Variants in NEBL observed in about 807,000 individuals in gnomAD.
NEBL encodes the protein nebulette.
In NEBL, 122 loss-of-function variants were observed where a neutral mutation model predicts 140.2. The ratio of observed to expected loss-of-function variants is 0.87; its 90% CI spans 0.75 to 1.01. The LOEUF (loss-of-function observed/expected upper bound fraction) is 1.01, where lower values mean the gene tolerates loss of function less well. Ranked by LOEUF, NEBL falls within the 50% of genes least tolerant of loss-of-function variation. The pLI is 0.00. For synonymous variants in NEBL, 436 were observed against 398.9 expected, an observed-to-expected ratio of 1.09 and a Z score of -1.11; for missense variants, 1,365 against 1,231.3, an observed-to-expected ratio of 1.11 and a Z score of -1.62.
At chr10:21,024,602 A>G (rs1373498394) in intron 2 of NEBL, among the ~76,000 whole-genome samples, 2 of 152,176 alleles carry the variant, frequency 1.3e-5, no homozygotes, top group African/African-American at 4.8e-5. Flanking sequence ...GTGTAATTAT[A>G]GAGATGGCAA....
intron 1 of NEBL, among the ~76,000 whole-genome samples, chr10:21,282,513 G>A (rs56988582): frequency 0.15 from 22,510 of 151,928 alleles, 2,340 homozygotes; most frequent in African/African-American, 0.3. Context: ...CAAAGGCAGG[G>A]GGGAAAAAAA....
intron 3 of NEBL, among the ~76,000 whole-genome samples, chr10:20,889,399 T>C (rs1337400060): frequency 6.6e-6 from 1 of 152,218 alleles, no homozygotes; most frequent in Non-Finnish European, 1.5e-5. Context: ...CAAAATAGTT[T>C]AAATACATTT....
intron 26 of NEBL, among the ~76,000 whole-genome samples, chr10:20,798,841 CAT>C (rs1321256304): frequency 1.3e-4 from 20 of 152,208 alleles, no homozygotes; most frequent in Non-Finnish European, 2.6e-4. Flanking sequence ...ATGAAAGACA[CAT>C]GTGCATTCTA....
rs145015123 is a variant in NEBL at position 20,975,922 on chromosome 10, CTAAT to C, written c.250-14147_250-14144del. ...AGAAGGGGCTCTGAGAAACTTAAAC[CTAAT>C]TAATCAGAGGCCCTACTGACCCCAT... On this transcript the variant is annotated intron_variant, in intron 3 of 6. Coordinates refer to the NEBL transcript ENST00000417816. 0.02 allele frequency among the ~76,000 whole-genome samples: 2,968 copies of C among 152,130 alleles called. 384 individuals carry two copies. In the East Asian group the frequency reaches 0.36, roughly 18 times the overall value.
At chr10:21,266,769 T>G (rs144457240) in intron 1 of NEBL, among the ~76,000 whole-genome samples, 397 of 152,274 alleles carry the variant, frequency 2.6e-3, no homozygotes, top group Non-Finnish European at 4.1e-3. Context: ...TGGTTTTCAA[T>G]TGATGGAGTT....
chr10:20,829,741 C>T (rs1398931946), intron 16 of NEBL, among the ~76,000 whole-genome samples: 1 of 152,018 alleles, frequency 6.6e-6, no homozygotes, highest in Non-Finnish European at 1.5e-5. Context: ...AAAATCTATG[C>T]TGTTGAGTTA....
At chr10:20,888,331 T>A in intron 3 of NEBL, 124 bp from the exon 4 acceptor site, 1 of 679,264 alleles carries the variant, frequency 1.5e-6, no homozygotes, top group Non-Finnish European at 2.6e-6. Flanking sequence ...CTGCAGACCA[T>A]TTTAATTTTA....
intron 10 of NEBL, 95 bp from the exon 11 acceptor site, chr10:20,850,597 T>C: frequency 1.2e-6 from 1 of 816,902 alleles, no homozygotes; most frequent in Non-Finnish European, 2.0e-6. Flanking sequence ...AGTCATCTTG[T>C]TGTCTAAAAT....
At chr10:21,187,760 C>A (rs1352713052) in intron 3 of NEBL, among the ~76,000 whole-genome samples, 1 of 152,170 alleles carries the variant, frequency 6.6e-6, no homozygotes, top group Non-Finnish European at 1.5e-5. Flanking sequence ...GCAATCCTCG[C>A]ACCTCAGCCT....
At chr10:21,231,948 C>A (rs56882152) in intron 3 of NEBL, among the ~76,000 whole-genome samples, 1 of 152,084 alleles carries the variant, frequency 6.6e-6, no homozygotes, top group African/African-American at 2.4e-5. Context: ...CTCCCTTTTG[C>A]GGTTTATACA....
At chr10:20,868,044 A>C (rs2131221160) in intron 7 of NEBL, 1 of 131,748 alleles carries the variant, frequency 7.6e-6, no homozygotes, top group South Asian at 2.6e-4. Flanking sequence ...AGATCATTTT[A>C]TCTATATTAA....
chr10:21,220,048 G>A (rs771557313), intron 3 of NEBL, among the ~76,000 whole-genome samples: 3 of 151,970 alleles, frequency 2.0e-5, no homozygotes, highest in Non-Finnish European at 4.4e-5. Flanking sequence ...AAGTAGCTGG[G>A]ATTACAGGCA....
chr10:20,941,319 A>G (rs190232803), intron 4 of NEBL, among the ~76,000 whole-genome samples: 6 of 152,300 alleles, frequency 3.9e-5, no homozygotes, highest in African/African-American at 1.2e-4. Context: ...CATAAACAGA[A>G]CCAAAGACAA....
intron 1 of NEBL, among the ~76,000 whole-genome samples, chr10:21,264,696 TAAAAAAAAAAAAAAAAAA>T (rs71392177): frequency 0.097 from 2,985 of 30,776 alleles, 88 homozygotes; most frequent in Middle Eastern, 0.15. Context: ...AGTTGCTATT[TAAAAAAAAAAAAAAAAAA>T]AAAAAAAAAA....
intron 2 of NEBL, among the ~76,000 whole-genome samples, chr10:21,122,661 G>A (rs1285410435): frequency 6.6e-6 from 1 of 152,214 alleles, no homozygotes; most frequent in African/African-American, 2.4e-5. Context: ...GGGAGAGACA[G>A]AGTTTGGGTT....
intron 1 of NEBL, among the ~76,000 whole-genome samples, chr10:21,291,533 C>A (rs910255567): frequency 1.3e-5 from 2 of 150,300 alleles, no homozygotes; most frequent in African/African-American, 4.9e-5. Flanking sequence ...GAAGAAGAAG[C>A]CTACAAGAGT....
intron 3 of NEBL, among the ~76,000 whole-genome samples, chr10:21,182,229 T>C (rs1841399867): frequency 6.6e-6 from 1 of 152,036 alleles, no homozygotes; most frequent in Admixed American, 6.6e-5. Context: ...CCCAGCACTT[T>C]AGAAAGCTGA....
intron 3 of NEBL, among the ~76,000 whole-genome samples, chr10:21,222,160 T>C (rs556492826): frequency 9.2e-5 from 14 of 152,190 alleles, no homozygotes; most frequent in African/African-American, 3.4e-4. Flanking sequence ...AGTTTAGTGA[T>C]TTGGACTGGG....
chr10:20,855,272 G>A (rs1842950960), intron 9 of NEBL, among the ~76,000 whole-genome samples: 6 of 151,030 alleles, frequency 4.0e-5, no homozygotes, highest in Admixed American at 4.0e-4. Flanking sequence ...TTAAAATCTG[G>A]AAAGAAAGAT....
Sources: gnomAD v4.1 joint callset for allele counts (sites outside exome capture counted in the v4.1 genomes callset) on GRCh38, gnomAD v4.1.1 for gene constraint, MANE v1.5 for transcripts, NCBI Gene and HGNC (gene_info 2026-07-23, HGNC 2026-07-21) for gene names.